SGCZ: variants seen among roughly 807,000 people sequenced by gnomAD.
SGCZ encodes the protein zeta-sarcoglycan.
Under a neutral mutation model 41.3 loss-of-function variants are expected in SGCZ, and 40 were observed. The ratio of observed to expected loss-of-function variants is 0.97; its 90% CI spans 0.75 to 1.26. The LOEUF is 1.26. Among genes scored for constraint, SGCZ ranks in the 50% most tolerant of loss-of-function variants. SGCZ has a pLI of 0.00. For missense variants in SGCZ, 552 were observed against 369.8 expected (o/e 1.49, Z -4.04); for synonymous variants, 206 against 137.5 (o/e 1.50, Z -3.49).
intron 5 of SGCZ, among the ~76,000 whole-genome samples, chr8:14,164,283 C>A (rs113961418): frequency 6.6e-6 from 1 of 151,632 alleles, no homozygotes; most frequent in African/African-American, 2.4e-5. Flanking sequence ...TTTGTTAGTC[C>A]CCTTTACTCA....
chr8:14,751,169 CT>C (rs917695410), intron 1 of SGCZ, among the ~76,000 whole-genome samples: 1 of 151,998 alleles, frequency 6.6e-6, no homozygotes, highest in African/African-American at 2.4e-5. Context: ...ATTTTTATAT[CT>C]TGTTTAAATC....
At chr8:14,415,042 C>G (rs1799457778) in intron 2 of SGCZ, among the ~76,000 whole-genome samples, 1 of 151,794 alleles carries the variant, frequency 6.6e-6, no homozygotes, top group Non-Finnish European at 1.5e-5. Flanking sequence ...CAAAATTATC[C>G]TGCTACTTAT....
At chr8:14,981,247 A>T (rs1801653385) in intron 1 of SGCZ, among the ~76,000 whole-genome samples, 1 of 152,226 alleles carries the variant, frequency 6.6e-6, no homozygotes, top group Admixed American at 6.5e-5. Flanking sequence ...CAATTAACTC[A>T]GCTTTAAAGT....
At chr8:15,068,271 A>G (rs1805225171) in intron 1 of SGCZ, among the ~76,000 whole-genome samples, 1 of 152,238 alleles carries the variant, frequency 6.6e-6, no homozygotes. Context: ...TTTCCATTCT[A>G]AAGAGACTTG....
rs73519075 is a variant in SGCZ, at chr8:14,999,076, C to A, written c.39+238509G>T. On this transcript the variant is annotated intron_variant, in intron 1 of 7. Transcript: ENST00000382080. ...TTGGCAGAATTATGTATGGACAACA[C>A]CTTTAGGGTGTTATCTCTTACTGAT... is the stretch of plus-strand genomic sequence containing the variant. Among the ~76,000 whole-genome samples, 379 of 152,248 alleles carry A rather than the reference C, an allele frequency of 2.5e-3. 3 individuals are homozygous for A. Among genetic ancestry groups the A allele is most frequent in the African/African-American group, 8.5e-3 (355 of 41,534 alleles).
chr8:14,438,790 A>C (rs2117360461), intron 2 of SGCZ, among the ~76,000 whole-genome samples: 1 of 152,086 alleles, frequency 6.6e-6, no homozygotes, highest in Non-Finnish European at 1.5e-5. Flanking sequence ...TAAATAGAAA[A>C]CCATGATAAT....
At chr8:14,096,272 A>G (rs919543175) in intron 7 of SGCZ, among the ~76,000 whole-genome samples, 1 of 152,130 alleles carries the variant, frequency 6.6e-6, no homozygotes, top group Non-Finnish European at 1.5e-5. Context: ...TTTGAGATAC[A>G]TCCCATCAAT....
intron 1 of SGCZ, among the ~76,000 whole-genome samples, chr8:15,201,102 C>T (rs756282358): frequency 3.9e-5 from 6 of 152,164 alleles, no homozygotes; most frequent in Admixed American, 6.5e-5. Context: ...CTGCAACCTC[C>T]GCCTCCCAGG....
chr8:15,172,924 G>A (rs537269276), intron 1 of SGCZ, among the ~76,000 whole-genome samples: 8 of 152,192 alleles, frequency 5.3e-5, no homozygotes, highest in African/African-American at 1.7e-4. Flanking sequence ...TATGGAAAAC[G>A]TATTAATACT....
intron 2 of SGCZ, among the ~76,000 whole-genome samples, chr8:14,393,672 A>G (rs575647377): frequency 6.6e-6 from 1 of 152,216 alleles, no homozygotes; most frequent in East Asian, 1.9e-4. Context: ...TCTTCTGCTT[A>G]TTAAACCTCT....
chr8:14,613,612 G>T (rs1474230583), intron 1 of SGCZ, among the ~76,000 whole-genome samples: 1 of 152,164 alleles, frequency 6.6e-6, no homozygotes, highest in African/African-American at 2.4e-5. Flanking sequence ...AAATTTCAGA[G>T]CATGCAGAAT....
At chr8:14,703,021 A>G (rs1049179392) in intron 1 of SGCZ, among the ~76,000 whole-genome samples, 1 of 151,904 alleles carries the variant, frequency 6.6e-6, no homozygotes, top group Non-Finnish European at 1.5e-5. Context: ...TACCTCCTCC[A>G]TTACTACCAT....
chr8:14,179,941 G>A (rs1804667736), intron 4 of SGCZ, among the ~76,000 whole-genome samples: 1 of 152,136 alleles, frequency 6.6e-6, no homozygotes, highest in Non-Finnish European at 1.5e-5. Flanking sequence ...CAAACATATT[G>A]GTGAAACCGG....
chr8:14,942,950 T>C (rs1454093791), intron 1 of SGCZ, among the ~76,000 whole-genome samples: 2 of 152,170 alleles, frequency 1.3e-5, no homozygotes, highest in Non-Finnish European at 2.9e-5. Flanking sequence ...ATTTAACATA[T>C]GCACCATTAT....
chr8:14,905,135 G>A (rs758293630), intron 1 of SGCZ, among the ~76,000 whole-genome samples: 38 of 151,890 alleles, frequency 2.5e-4, no homozygotes, highest in Admixed American at 1.4e-3. Context: ...TTCTTCAAAT[G>A]TATATACTTC....
chr8:14,624,117 TAAA>T (rs1200362610), intron 1 of SGCZ, among the ~76,000 whole-genome samples: 1 of 152,182 alleles, frequency 6.6e-6, no homozygotes, highest in African/African-American at 2.4e-5. Context: ...CTGTCGTCCT[TAAA>T]AGATTCAACA....
At chr8:14,973,356 C>A (rs573697988) in intron 1 of SGCZ, among the ~76,000 whole-genome samples, 5 of 152,086 alleles carry the variant, frequency 3.3e-5, no homozygotes, top group Non-Finnish European at 7.4e-5. Context: ...TTTACTTTCC[C>A]TTTGGTACTT....
At chr8:14,234,072 T>C (rs1806669833) in intron 4 of SGCZ, among the ~76,000 whole-genome samples, 1 of 152,042 alleles carries the variant, frequency 6.6e-6, no homozygotes, top group Non-Finnish European at 1.5e-5. Flanking sequence ...GGAAATTGGA[T>C]ATTATTTGGT....
At chr8:14,579,540 CTGTTGGGGAAA>C (rs1181201743) in intron 1 of SGCZ, among the ~76,000 whole-genome samples, 1 of 152,168 alleles carries the variant, frequency 6.6e-6, no homozygotes, top group Non-Finnish European at 1.5e-5. Flanking sequence ...GTTAATTAAA[CTGTTGGGGAAA>C]TTTTATACAA....
Sources: allele counts gnomAD v4.1 joint callset (sites outside exome capture counted in the v4.1 genomes callset), GRCh38; gene constraint gnomAD v4.1.1; transcripts MANE v1.5; gene names NCBI Gene and HGNC (gene_info 2026-07-23, HGNC 2026-07-21).